Variants in ALG5 observed in about 807,000 individuals in gnomAD.
ALG5 encodes the protein dolichyl-phosphate beta-glucosyltransferase.
Under a neutral mutation model 51.8 loss-of-function variants are expected in ALG5, and 26 were observed. That is an observed-to-expected ratio of 0.50 (90% CI 0.37 to 0.70). The LOEUF (loss-of-function observed/expected upper bound fraction) is 0.70. Among genes scored for constraint, ALG5 ranks in the 30% least tolerant of loss-of-function variants. The pLI is 0.00. For synonymous variants in ALG5, 141 were observed against 136.1 expected (o/e 1.04, Z -0.25); for missense variants, 311 against 399.3 (o/e 0.78, Z 1.88).
At chr13:36,972,857 T>C (rs1169158762) in intron 6 of ALG5, among the ~76,000 whole-genome samples, 2 of 151,886 alleles carry the variant, frequency 1.3e-5, no homozygotes, top group East Asian at 1.9e-4. Flanking sequence ...CTGGGCGTGG[T>C]GGCGGGCGCC....
intron 8 of ALG5, among the ~76,000 whole-genome samples, chr13:36,958,221 C>T (rs2058849531): frequency 6.6e-6 from 1 of 152,106 alleles, no homozygotes; most frequent in African/African-American, 2.4e-5. Context: ...CGCTGTACCA[C>T]CACTAGCTCT....
intron 6 of ALG5, among the ~76,000 whole-genome samples, chr13:36,975,389 C>T (rs2058945890): frequency 6.6e-6 from 1 of 152,192 alleles, no homozygotes; most frequent in Admixed American, 6.5e-5. Flanking sequence ...TGACATTTAA[C>T]ATGTTCTCCT....
chr13:36,990,052 A>C (rs903155777), intron 4 of ALG5, among the ~76,000 whole-genome samples: 1 of 151,988 alleles, frequency 6.6e-6, no homozygotes, highest in South Asian at 2.1e-4. Flanking sequence ...TTTTCACTCA[A>C]ATTCCTCTCT....
intron 6 of ALG5, among the ~76,000 whole-genome samples, chr13:36,977,934 T>C (rs2138809637): frequency 6.7e-6 from 1 of 149,294 alleles, no homozygotes; most frequent in South Asian, 2.2e-4. Flanking sequence ...TTGCCCAGGC[T>C]GGAGTACAGT....
intron 6 of ALG5, among the ~76,000 whole-genome samples, chr13:36,976,425 CAAAAAAA>C (rs57192095): frequency 3.0e-4 from 11 of 36,616 alleles, no homozygotes; most frequent in South Asian, 1.3e-3. Context: ...GACTCTGTCT[CAAAAAAA>C]AAAAAAAAAA....
At chr13:36,984,558 C>A (rs997110698) in intron 6 of ALG5, among the ~76,000 whole-genome samples, 1 of 152,050 alleles carries the variant, frequency 6.6e-6, no homozygotes, top group Non-Finnish European at 1.5e-5. Context: ...TTGTATGCAA[C>A]TTTAATTCTT....
intron 3 of ALG5, 47 bp from the exon 4 acceptor site, chr13:36,993,719 A>T: frequency 6.8e-7 from 1 of 1,462,142 alleles, no homozygotes; most frequent in Non-Finnish European, 9.6e-7. Flanking sequence ...TAACTGCCAT[A>T]AAGTATTCTA....
rs565155031 is a variant in ALG5, at chr13:36,956,734, C to T, written c.774-4135G>A. 6.6e-5 allele frequency among the ~76,000 whole-genome samples: 10 copies of T among 152,236 alleles called. No individual in the cohort carries two copies. The South Asian group carries it at 2.1e-3, about 32-fold the overall frequency. ...CTTGCAACTGCACACTCCTCTGGTCCGTGTTTGTTACGGCTCGAGCTGAGC... is the reference window on the plus strand; with the variant it reads ...CTTGCAACTGCACACTCCTCTGGTCTGTGTTTGTTACGGCTCGAGCTGAGC... On this transcript the variant is annotated intron_variant, in intron 8 of 9. Coordinates refer to ENST00000239891, the MANE Select transcript of ALG5 (RefSeq NM_013338.5).
chr13:36,994,691 C>T (rs2059040854), intron 3 of ALG5, among the ~76,000 whole-genome samples: 1 of 151,440 alleles, frequency 6.6e-6, no homozygotes, highest in Non-Finnish European at 1.5e-5. Context: ...ACAAAGTCTG[C>T]AGACATACAC....
intron 6 of ALG5, among the ~76,000 whole-genome samples, chr13:36,979,831 G>C (rs1172952462): frequency 6.6e-6 from 1 of 152,148 alleles, no homozygotes. Flanking sequence ...CTGACTGCTT[G>C]AGGTCAGGAG....
intron 4 of ALG5, among the ~76,000 whole-genome samples, chr13:36,991,175 A>G (rs2059023836): frequency 6.6e-6 from 1 of 152,110 alleles, no homozygotes; most frequent in South Asian, 2.1e-4. Flanking sequence ...ACGGTCTTAC[A>G]CTTGTATGCC....
At chr13:36,978,462 C>T (rs1188414173) in intron 6 of ALG5, among the ~76,000 whole-genome samples, 2 of 151,878 alleles carry the variant, frequency 1.3e-5, no homozygotes, top group Non-Finnish European at 2.9e-5. Context: ...GCTGGGATTA[C>T]AGGCGTGAGC....
At chr13:36,993,317 G>A (rs2059033705) in intron 4 of ALG5, among the ~76,000 whole-genome samples, 1 of 152,170 alleles carries the variant, frequency 6.6e-6, no homozygotes, top group Non-Finnish European at 1.5e-5. Flanking sequence ...ACTGTGCTTA[G>A]GGAAAAAGGA....
intron 1 of ALG5, among the ~76,000 whole-genome samples, chr13:36,995,880 A>G (rs1430424416): frequency 2.0e-5 from 3 of 152,148 alleles, no homozygotes; most frequent in Admixed American, 1.3e-4. Flanking sequence ...TCCCAGCTAC[A>G]ATAAAGGTCA....
chr13:36,975,213 A>G (rs1318398207), intron 6 of ALG5, among the ~76,000 whole-genome samples: 1 of 152,208 alleles, frequency 6.6e-6, no homozygotes, highest in East Asian at 1.9e-4. Flanking sequence ...CTCTGTCTAA[A>G]AAAACAAACC....
intron 5 of ALG5, among the ~76,000 whole-genome samples, chr13:36,986,458 C>A (rs993026918): frequency 6.6e-6 from 1 of 152,052 alleles, no homozygotes; most frequent in Non-Finnish European, 1.5e-5. Context: ...TTATTTCTTA[C>A]GTGCAAATAT....
At chr13:36,952,912 A>G (rs1452620796) in intron 8 of ALG5, 1 of 191,166 alleles carries the variant, frequency 5.2e-6, no homozygotes. Flanking sequence ...ATGGTTTTCA[A>G]TCCTAACCTT....
In ALG5 at chr13:36,999,248, G is replaced by A. The variant is rs776337687; in HGVS notation, c.53C>T (p.Ala18Val). 18 of 1,580,650 alleles carry A rather than the reference G, an allele frequency of 1.1e-5. No homozygotes were observed. The Admixed American group carries it at 2.2e-4, about 19-fold the overall frequency. Residue 18 changes from alanine (A) to valine (V), a missense_variant, in exon 1 of 10, where the codon GCA (alanine) becomes GTA (valine). Coordinates refer to ENST00000239891, the MANE Select transcript of ALG5 (RefSeq NM_013338.5). ...CCCTGTTCTCACCAGTACGAGGGCT[G>A]CGGCCGCCAGCGCCGCGCCGAGCAC... ...LAVLGAALAA[A>V]ALVLISIVAF... is the part of the protein sequence containing the mutation.
intron 1 of ALG5, among the ~76,000 whole-genome samples, chr13:36,997,704 T>C (rs2059057984): frequency 6.6e-6 from 1 of 152,152 alleles, no homozygotes; most frequent in African/African-American, 2.4e-5. Flanking sequence ...TATTGTGGTA[T>C]TTTAAAAAGA....
Sources: allele counts gnomAD v4.1 joint callset (sites outside exome capture counted in the v4.1 genomes callset), GRCh38; gene constraint gnomAD v4.1.1; transcripts MANE v1.5; gene names NCBI Gene and HGNC (gene_info 2026-07-23, HGNC 2026-07-21).